The following VIPR2 variants were observed in gnomAD, a reference collection of about 807,000 sequenced individuals.
The protein encoded by VIPR2 is vasoactive intestinal polypeptide receptor 2.
In VIPR2, 48 loss-of-function variants were observed where a neutral mutation model predicts 58.0. The observed-to-expected ratio is 0.83, with a 90% CI of 0.66 to 1.05. The LOEUF is 1.05. Among genes scored for constraint, VIPR2 ranks in the 50% least tolerant of loss-of-function variants. VIPR2 has a pLI of 0.00. For missense variants in VIPR2, 534 were observed against 558.0 expected (o/e 0.96, Z 0.43); for synonymous variants, 243 against 235.2 (o/e 1.03, Z -0.30).
Position 159,096,730 on chromosome 7 carries a change from G to A in VIPR2, c.357+7027C>T. On this transcript the variant is annotated intron_variant, in intron 4 of 12. Coordinates refer to ENST00000262178, the MANE Select transcript of VIPR2 (RefSeq NM_003382.5). The surrounding 1 kb of genome is among the most constrained non-coding windows in gnomAD (Gnocchi z 5.5). ...TCATAATCCTGTCTGGTTGTGCCAGGTGACAGCTGAATGATTTCTGCCTGT... is the reference window on the plus strand; with the variant it reads ...TCATAATCCTGTCTGGTTGTGCCAGATGACAGCTGAATGATTTCTGCCTGT... 2.2e-6 allele frequency: 3 copies of A among 1,385,690 alleles called. No homozygotes were observed. Among genetic ancestry groups the A allele is most frequent in the South Asian group, 3.5e-5 (2 of 56,422 alleles). 85.8% of individuals were successfully genotyped at this position (1,385,690 alleles called of 1,614,324 possible). A position where few individuals can be genotyped will look rare whatever the true frequency, so the allele number is the denominator to read the frequency against.
At position 159,127,848 on chromosome 7, in the gene VIPR2, C is replaced by T. The variant is rs867140140; in HGVS notation, c.151+14598G>A. The stretch of plus-strand genomic sequence containing the variant: ...GCCACGGCTCGGATGCTGCTGGGGC[C>T]GCAGGGGCTTAGGGCTGGGGCCACG... On this transcript the variant is annotated intron_variant, in intron 2 of 12. Coordinates refer to ENST00000262178, the MANE Select transcript of VIPR2 (RefSeq NM_003382.5). The surrounding 1 kb of genome is among the most constrained non-coding windows in gnomAD (Gnocchi z 4.6). 5.3e-5 allele frequency among the ~76,000 whole-genome samples: 8 copies of T among 152,304 alleles called. No individual in the cohort carries two copies. The highest frequency in any genetic ancestry group is 3.9e-4 in the Admixed American group (6 of 15,302).
chr7:159,030,752 C>CACCG lies in VIPR2; in HGVS notation c.1177_1180dup (p.Cys394SerfsTer112). 2 of 1,590,410 alleles carry CACCG rather than the reference C, an allele frequency of 1.3e-6. No individual in the cohort carries two copies. Among genetic ancestry groups the CACCG allele is most frequent in the Non-Finnish European group, 1.7e-6 (2 of 1,170,372 alleles). ...ATCCCGGCTCGCGGACGGGGTCGGG[C>CACCG]ACCGGCTTCGCCATTTTCGCTTCAG... On this transcript the variant is annotated frameshift_variant, in exon 13 of 13. Transcript: ENST00000262178. LOFTEE classifies it low-confidence loss of function (END_TRUNC).
At chr7:159,060,127 C>T (rs1353471012) in intron 4 of VIPR2, among the ~76,000 whole-genome samples, 4 of 149,978 alleles carry the variant, frequency 2.7e-5, no homozygotes, top group African/African-American at 9.8e-5. Context: ...CTTCACCTCA[C>T]CTAACCATCA....
intron 6 of VIPR2, among the ~76,000 whole-genome samples, chr7:159,040,801 G>A (rs549830334): frequency 4.4e-4 from 67 of 152,320 alleles, no homozygotes; most frequent in African/African-American, 1.5e-3. Flanking sequence ...AAGCCTGAGC[G>A]TTCTTTAGAG....
chr7:159,081,021 C>A (rs1244482522), intron 4 of VIPR2, among the ~76,000 whole-genome samples: 1 of 152,120 alleles, frequency 6.6e-6, no homozygotes, highest in Non-Finnish European at 1.5e-5. Context: ...ATAATCAATA[C>A]CGTGAAAATG....
chr7:159,050,820 C>T (rs1205311220), intron 5 of VIPR2, among the ~76,000 whole-genome samples: 2 of 152,006 alleles, frequency 1.3e-5, no homozygotes, highest in East Asian at 3.9e-4. Context: ...AGAAAACCAC[C>T]TTAAGTCCTA....
At chr7:159,125,572 G>T (rs6960704) in intron 2 of VIPR2, among the ~76,000 whole-genome samples, 5,601 of 152,262 alleles carry the variant, frequency 0.037, 254 homozygotes, top group African/African-American at 0.11. Context: ...AAATTCTCCG[G>T]TATGTCCTAG....
In VIPR2 at chr7:159,093,658, G is replaced by A. The variant is rs1857629292; in HGVS notation, c.357+10099C>T. 1.3e-5 allele frequency among the ~76,000 whole-genome samples: 2 copies of A among 152,130 alleles called. No individual in the cohort carries two copies. The highest frequency in any genetic ancestry group is 4.8e-5 in the African/African-American group (2 of 41,434). ...GGTGCCCACAGCGTCCCTGGGTCCA[G>A]ACATGGAAGACCCCACAGCGTCCCT... On this transcript the variant is annotated intron_variant, in intron 4 of 12. Coordinates refer to ENST00000262178, the MANE Select transcript of VIPR2 (RefSeq NM_003382.5). The surrounding 1 kb of genome is among the most constrained non-coding windows in gnomAD (Gnocchi z 6.7).
intron 9 of VIPR2, 31 bp from the exon 10 acceptor site, chr7:159,034,335 G>C (rs1385263914): frequency 6.2e-7 from 1 of 1,605,858 alleles, no homozygotes; most frequent in South Asian, 1.1e-5. Context: ...TTGTGAAACA[G>C]ACACGTGGAT....
At chr7:159,140,952 A>C (rs528888668) in intron 2 of VIPR2, among the ~76,000 whole-genome samples, 1 of 151,944 alleles carries the variant, frequency 6.6e-6, no homozygotes, top group East Asian at 1.9e-4. Flanking sequence ...TTTTTAATGT[A>C]TTGTTTGCAA....
At chr7:159,144,560 G>A (rs1370829767) in intron 1 of VIPR2, 161 bp downstream of exon 1, 3 of 1,456,916 alleles carry the variant, frequency 2.1e-6, no homozygotes, top group Admixed American at 4.8e-5. Flanking sequence ...ACGCTCTCCG[G>A]GAGGAAGCTC....
At chr7:159,110,825 GTTT>G (rs1274524820) in intron 2 of VIPR2, among the ~76,000 whole-genome samples, 1 of 152,150 alleles carries the variant, frequency 6.6e-6, no homozygotes, top group Non-Finnish European at 1.5e-5. Context: ...ACAAAGGAGT[GTTT>G]TACTTTCAAG....
chr7:159,135,158 G>A (rs917235352), intron 2 of VIPR2, among the ~76,000 whole-genome samples: 1 of 151,942 alleles, frequency 6.6e-6, no homozygotes. Context: ...AAAAAGGGCC[G>A]GCTACAGGGG....
chr7:159,117,443 A>C (rs1433352149), intron 2 of VIPR2: 1 of 717,252 alleles, frequency 1.4e-6, no homozygotes, highest in Admixed American at 2.0e-5. Flanking sequence ...CACATGAAAC[A>C]TAGTGCCGCA....
At chr7:159,059,072 T>G in intron 4 of VIPR2, 1 of 366,820 alleles carries the variant, frequency 2.7e-6, no homozygotes, top group Middle Eastern at 4.3e-4. Context: ...TGCAGTATCT[T>G]GGGAATTTTA....
In VIPR2 at chr7:159,098,668, C is replaced by T. The variant is rs1036008101; in HGVS notation, c.357+5089G>A. Among the ~76,000 whole-genome samples the T allele has an allele frequency of 1.3e-5, 2 of 152,310 alleles. No homozygotes were observed. Among genetic ancestry groups the T allele is most frequent in the Admixed American group, 6.5e-5 (1 of 15,302 alleles). ...CTCTGGTCCGCAGAGCCCTTCTCCT[C>T]CCAGGGGCTCCCACACCCACATCTC... On this transcript the variant is annotated intron_variant, in intron 4 of 12. Transcript: ENST00000262178. The surrounding 1 kb of genome is among the most constrained non-coding windows in gnomAD (Gnocchi z 5.2).
intron 8 of VIPR2, among the ~76,000 whole-genome samples, chr7:159,035,334 C>T (rs1158775798): frequency 6.6e-6 from 1 of 152,196 alleles, no homozygotes; most frequent in Non-Finnish European, 1.5e-5. Context: ...GCTGCTGAGT[C>T]CTCCCAGGTC....
intron 4 of VIPR2, among the ~76,000 whole-genome samples, chr7:159,101,596 C>T (rs373002448): frequency 8.6e-3 from 1,035 of 120,494 alleles, no homozygotes; most frequent in Admixed American, 0.022. Flanking sequence ...TCCGACGAGG[C>T]GGTTCCGACC....
intron 4 of VIPR2, among the ~76,000 whole-genome samples, chr7:159,086,772 C>T (rs544682337): frequency 6.6e-6 from 1 of 152,184 alleles, no homozygotes; most frequent in African/African-American, 2.4e-5. Context: ...CTTCCCACCC[C>T]GTAGGATGGC....
Sources: allele counts gnomAD v4.1 joint callset (sites outside exome capture counted in the v4.1 genomes callset), GRCh38; gene constraint gnomAD v4.1.1; non-coding constraint Gnocchi (gnomAD v3.1); transcripts MANE v1.5; gene names NCBI Gene and HGNC (gene_info 2026-07-23, HGNC 2026-07-21).